Variants in ABLIM1 observed in about 807,000 individuals in gnomAD.
ABLIM1 encodes the protein actin binding LIM protein 1, also known as actin-binding LIM protein 1.
Under a neutral mutation model 107.0 loss-of-function variants are expected in ABLIM1, and 40 were observed. The ratio of observed to expected loss-of-function variants is 0.37; its 90% CI spans 0.29 to 0.49. The LOEUF (loss-of-function observed/expected upper bound fraction) is 0.49. ABLIM1 is among the 20% of genes least tolerant of loss of function. The pLI is 0.97. For missense variants in ABLIM1, 857 were observed against 1,008.5 expected, an observed-to-expected ratio of 0.85 and a Z score of 2.04; for synonymous variants, 357 against 357.3, an observed-to-expected ratio of 1.00 and a Z score of 0.01.
At chr10:114,718,070 A>AAGGAAGGAAGG (rs1566269566) in intron 1 of ABLIM1, among the ~76,000 whole-genome samples, 976 of 53,488 alleles carry the variant, frequency 0.018, 14 homozygotes, top group Middle Eastern at 0.056. Flanking sequence ...AGAAAGGAAG[A>AAGGAAGGAAGG]AAGGAAGGAA....
chr10:114,736,412 G>A (rs958392955), intron 1 of ABLIM1, among the ~76,000 whole-genome samples: 31 of 152,054 alleles, frequency 2.0e-4, no homozygotes, highest in Non-Finnish European at 3.4e-4. Context: ...GACTGGGTTG[G>A]ATATTAAAAA....
chr10:114,785,091 G>A, the ABLIM1 span, among the ~76,000 whole-genome samples: 94 of 152,276 alleles, frequency 6.2e-4, no homozygotes, highest in East Asian at 9.4e-3. Flanking sequence ...GCCAAACAGT[G>A]CCACCTCGTA....
Position 114,465,711 on chromosome 10 carries a change from A to G in ABLIM1, c.1428T>C (p.His476=). The change falls in exon 12 of 23, where the codon CAT becomes CAC. Residue 476 remains histidine (H), a synonymous_variant. Coordinates refer to ENST00000533213, the MANE Select transcript of ABLIM1 (RefSeq NM_002313.7). ...YTPTTSRSPQ[H]FHRPGNEPSS... ...AGTCACCCTTACCAGGTCTGTGGAA[A>G]TGCTGGGGAGAGCGGGACGTGGTTG... 2.5e-6 allele frequency: 4 copies of G among 1,614,124 alleles called. No homozygotes were observed. The highest frequency in any genetic ancestry group is 3.4e-6 in the Non-Finnish European group (4 of 1,179,982).
At position 114,488,035 on chromosome 10, in the gene ABLIM1, C is replaced by G. The variant is rs1014640149; in HGVS notation, c.983-19G>C. On this transcript the variant is annotated intron_variant, in intron 7 of 22. Transcript: ENST00000533213. ...GTGGAGCCTGAGAAGACAGAATGCACTACTAAGAGCCAGGAAAATGGAAAG... is the reference window on the plus strand; with the variant it reads ...GTGGAGCCTGAGAAGACAGAATGCAGTACTAAGAGCCAGGAAAATGGAAAG... The G allele has an allele frequency of 1.2e-6, 2 of 1,613,772 alleles. No individual in the cohort carries two copies. The highest frequency in any genetic ancestry group is 2.7e-5 in the African/African-American group (2 of 74,908).
At chr10:114,800,824 G>A in the ABLIM1 span, among the ~76,000 whole-genome samples, 1 of 152,072 alleles carries the variant, frequency 6.6e-6, no homozygotes, top group Non-Finnish European at 1.5e-5. Context: ...CAGGAGAATT[G>A]CTTGAACCAG....
intron 6 of ABLIM1, among the ~76,000 whole-genome samples, chr10:114,522,696 C>T (rs1238229530): frequency 2.6e-5 from 4 of 152,326 alleles, no homozygotes; most frequent in Non-Finnish European, 2.9e-5. Flanking sequence ...GACACAAACA[C>T]GTATTTGCTA....
chr10:114,512,612 G>C (rs546720484), intron 6 of ABLIM1, among the ~76,000 whole-genome samples: 14 of 152,250 alleles, frequency 9.2e-5, no homozygotes, highest in African/African-American at 3.4e-4. Flanking sequence ...ATCACTTGAG[G>C]TCAGGAGTTC....
At chr10:114,791,939 A>G in the ABLIM1 span, among the ~76,000 whole-genome samples, 3 of 152,360 alleles carry the variant, frequency 2.0e-5, no homozygotes, top group East Asian at 1.9e-4. Flanking sequence ...CACTGTCTCA[A>G]TAATCATTTA....
chr10:114,640,482 G>C (rs546463454), intron 1 of ABLIM1, among the ~76,000 whole-genome samples: 1 of 152,086 alleles, frequency 6.6e-6, no homozygotes, highest in South Asian at 2.1e-4. Context: ...AGCCGAGATC[G>C]CGCCACTGCA....
At chr10:114,657,649 T>C (rs1469480079) in intron 1 of ABLIM1, among the ~76,000 whole-genome samples, 1 of 152,206 alleles carries the variant, frequency 6.6e-6, no homozygotes, top group African/African-American at 2.4e-5. Flanking sequence ...TAATAACATC[T>C]ACAGATAGAG....
intron 1 of ABLIM1, among the ~76,000 whole-genome samples, chr10:114,691,193 T>C (rs2081070548): frequency 6.6e-6 from 1 of 152,200 alleles, no homozygotes; most frequent in Admixed American, 6.5e-5. Flanking sequence ...CTCTATGTCT[T>C]GATCTCTGTG....
chr10:114,704,317 T>TAG (rs2081372473), intron 1 of ABLIM1, among the ~76,000 whole-genome samples: 6 of 79,108 alleles, frequency 7.6e-5, no homozygotes, highest in Admixed American at 6.1e-4. Flanking sequence ...TATATATATA[T>TAG]ATATATATAT....
At chr10:114,730,306 A>G (rs111895201) in intron 1 of ABLIM1, among the ~76,000 whole-genome samples, 8,323 of 151,664 alleles carry the variant, frequency 0.055, 370 homozygotes, top group African/African-American at 0.11. Context: ...GCTGAGGCAG[A>G]AGAATCGCTT....
At chr10:114,718,944 A>G (rs2081771595) in intron 1 of ABLIM1, among the ~76,000 whole-genome samples, 1 of 152,194 alleles carries the variant, frequency 6.6e-6, no homozygotes, top group Non-Finnish European at 1.5e-5. Flanking sequence ...GGCTACCTCC[A>G]GGAGTATAAG....
At chr10:114,635,856 A>C (rs531095748) in intron 1 of ABLIM1, among the ~76,000 whole-genome samples, 1 of 152,180 alleles carries the variant, frequency 6.6e-6, no homozygotes, top group Middle Eastern at 3.2e-3. Context: ...CATGCTCAGA[A>C]TCCTTTCTAG....
chr10:114,453,313 C>T (rs780325457), intron 13 of ABLIM1, 66 bp downstream of exon 13: 32 of 1,508,810 alleles, frequency 2.1e-5, no homozygotes, highest in Admixed American at 3.4e-5. Flanking sequence ...TGAGACAAGA[C>T]GAGGTTACAA....
At chr10:114,685,255 T>C (rs2080902985), upstream of ABLIM1, among the ~76,000 whole-genome samples, 1 of 152,200 alleles carries the variant, frequency 6.6e-6, no homozygotes, top group Admixed American at 6.5e-5. Context: ...ACAAATATCC[T>C]TGGCATCAGA....
intron 1 of ABLIM1, among the ~76,000 whole-genome samples, chr10:114,641,746 G>C (rs1162780030): frequency 6.6e-6 from 1 of 152,180 alleles, no homozygotes. Flanking sequence ...TGAGACGGGA[G>C]CCCACCTGGT....
chr10:114,630,795 A>T (rs1479182896), intron 1 of ABLIM1, among the ~76,000 whole-genome samples: 3 of 152,250 alleles, frequency 2.0e-5, no homozygotes, highest in Non-Finnish European at 4.4e-5. Flanking sequence ...CCCCACGGTA[A>T]GAAAATGTGA....
Sources: gnomAD v4.1 joint callset for allele counts (sites outside exome capture counted in the v4.1 genomes callset) on GRCh38, gnomAD v4.1.1 for gene constraint, MANE v1.5 for transcripts, NCBI Gene and HGNC (gene_info 2026-07-23, HGNC 2026-07-21) for gene names.